The following ATP1B3 variants were observed in gnomAD, a reference collection of about 807,000 sequenced individuals.
ATP1B3 encodes the protein ATPase Na+/K+ transporting subunit beta 3.
In ATP1B3, 10 loss-of-function variants were observed where a neutral mutation model predicts 30.2. The observed-to-expected ratio is 0.33, with a 90% CI of 0.20 to 0.56. The LOEUF (loss-of-function observed/expected upper bound fraction) is 0.56. Among genes scored for constraint, ATP1B3 ranks in the 20% least tolerant of loss-of-function variants. The probability of loss-of-function intolerance (pLI) is 0.90; values close to 1 mark genes in which losing one functional copy is unlikely to be tolerated. For synonymous variants in ATP1B3, 113 were observed against 117.0 expected, an observed-to-expected ratio of 0.97 and a Z score of 0.22; for missense variants, 238 against 336.7, an observed-to-expected ratio of 0.71 and a Z score of 2.29.
chr3:141,902,521 T>C (rs1371511424), intron 1 of ATP1B3, among the ~76,000 whole-genome samples: 1 of 152,250 alleles, frequency 6.6e-6, no homozygotes. Flanking sequence ...TACCAATGTA[T>C]TCTAATATAC....
At chr3:141,905,633 T>C (rs1934251442) in intron 2 of ATP1B3, among the ~76,000 whole-genome samples, 1 of 152,244 alleles carries the variant, frequency 6.6e-6, no homozygotes, top group African/African-American at 2.4e-5. Context: ...ACTCTTAGTG[T>C]ATTGGAGCAA....
chr3:141,917,802 C>G (rs1934494249), intron 5 of ATP1B3, among the ~76,000 whole-genome samples: 1 of 150,372 alleles, frequency 6.7e-6, no homozygotes, highest in South Asian at 2.1e-4. Flanking sequence ...GAGTCTCACT[C>G]TGTTGCCCAG....
rs1430939780 is a variant in ATP1B3 at position 141,876,867 on chromosome 3, C to T, written c.66C>T (p.Asn22=). 6.9e-6 allele frequency: 11 copies of T among 1,583,098 alleles called. No individual in the cohort carries two copies. The highest frequency in any genetic ancestry group is 8.6e-6 in the Non-Finnish European group (10 of 1,164,830). ...CCGAGTGGAAGCTCTTCATCTACAA[C>T]CCGACCACCGGAGAATTCCTGGGGC... ...SLAEWKLFIY[N]PTTGEFLGRT... is the part of the protein sequence containing the mutation. Residue 22 remains asparagine, a synonymous_variant, in exon 1 of 7, where the codon AAC becomes AAT. Transcript: ENST00000286371.
At chr3:141,884,030 T>C (rs1476983018) in intron 1 of ATP1B3, among the ~76,000 whole-genome samples, 1 of 152,256 alleles carries the variant, frequency 6.6e-6, no homozygotes, top group African/African-American at 2.4e-5. Context: ...CAGCTTCTTA[T>C]ACTGCTTTTA....
chr3:141,891,831 T>C (rs1933959245), intron 1 of ATP1B3, among the ~76,000 whole-genome samples: 1 of 152,102 alleles, frequency 6.6e-6, no homozygotes, highest in African/African-American at 2.4e-5. Context: ...GATACAACTT[T>C]CTAAATTTGT....
chr3:141,877,640 C>T (rs1933630760), intron 1 of ATP1B3: 1 of 151,260 alleles, frequency 6.6e-6, no homozygotes, highest in Non-Finnish European at 1.5e-5. Flanking sequence ...AAAGTAAATC[C>T]TGTCTGAACA....
In ATP1B3 at chr3:141,924,724, A is replaced by G. The variant is rs532177873; in HGVS notation, c.670-807A>G. Among the ~76,000 whole-genome samples, 12 of 152,164 alleles carry G rather than the reference A, an allele frequency of 7.9e-5. No homozygotes were observed. The East Asian group carries it at 1.7e-3, about 22-fold the overall frequency. ...TATTCCCAAGCACTTTGGGAGGCCA[A>G]GGTGGACAGATCACGAGGTCAGGAG... On this transcript the variant is annotated intron_variant, in intron 6 of 6. Transcript: ENST00000286371.
intron 1 of ATP1B3, chr3:141,902,910 ATT>A (rs1324037977): frequency 6.6e-6 from 1 of 152,086 alleles, no homozygotes; most frequent in South Asian, 2.1e-4. Context: ...TAAAATATAT[ATT>A]TTTTTAATTT....
chr3:141,894,347 G>C (rs554647273), intron 1 of ATP1B3, among the ~76,000 whole-genome samples: 3 of 151,642 alleles, frequency 2.0e-5, no homozygotes, highest in East Asian at 3.9e-4. Context: ...TAATTGAGAT[G>C]GGGTCTTGCT....
intron 1 of ATP1B3, among the ~76,000 whole-genome samples, chr3:141,900,030 C>CA (rs1333753063): frequency 2.7e-5 from 4 of 150,222 alleles, no homozygotes; most frequent in South Asian, 4.2e-4. Flanking sequence ...GACCCTGTCT[C>CA]AAAAAAAAAA....
In ATP1B3 at chr3:141,903,731, A is replaced by C; in HGVS notation, c.221A>C (p.Asp74Ala). ...TLNDEVPKYR[D>A]QIPSPGLMVF... is the part of the protein sequence containing the mutation. ...AACGATGAGGTTCCAAAATACCGTG[A>C]CCAGATTCCTAGCCCAGGTAATTAT... The change falls in exon 2 of 7, where the codon GAC (aspartate) becomes GCC (alanine). Residue 74 changes from aspartate to alanine, a missense_variant. Coordinates refer to ENST00000286371, the MANE Select transcript of ATP1B3 (RefSeq NM_001679.4). 1 of 1,613,718 alleles carries C rather than the reference A, an allele frequency of 6.2e-7. No individual in the cohort carries two copies. The highest frequency in any genetic ancestry group is 1.1e-5 in the South Asian group (1 of 91,060).
chr3:141,889,748 A>ATATATATAT lies in ATP1B3; in HGVS notation c.109+12838_109+12839insTATATATAT, dbSNP rs1211554880. Among the ~76,000 whole-genome samples the ATATATATAT allele has an allele frequency of 5.4e-4, 44 of 81,426 alleles. 2 individuals carry two copies. Among genetic ancestry groups the ATATATATAT allele is most frequent in the African/African-American group, 1.2e-3 (24 of 19,776 alleles). 53.4% of individuals were successfully genotyped at this position (81,426 alleles called of 152,430 possible). ...CGTCTCAAAAAAAAAAAAAAAAAAA[A>ATATATATAT]AAATATATACACACACACACACACA... On this transcript the variant is annotated intron_variant, in intron 1 of 6. Transcript: ENST00000286371.
At chr3:141,907,572 C>T (rs1327075562) in intron 3 of ATP1B3, among the ~76,000 whole-genome samples, 1 of 150,868 alleles carries the variant, frequency 6.6e-6, no homozygotes, top group East Asian at 1.9e-4. Flanking sequence ...GCCTGGGAGG[C>T]AAAGGTTGCA....
intron 5 of ATP1B3, among the ~76,000 whole-genome samples, chr3:141,919,829 C>T (rs1934535259): frequency 6.6e-6 from 1 of 152,030 alleles, no homozygotes; most frequent in Non-Finnish European, 1.5e-5. Context: ...ATCCCAGCTA[C>T]TCGGGAGGCT....
intron 3 of ATP1B3, among the ~76,000 whole-genome samples, chr3:141,913,108 T>C (rs1191307898): frequency 1.3e-5 from 2 of 152,098 alleles, no homozygotes; most frequent in African/African-American, 2.4e-5. Flanking sequence ...TTTACAAGAC[T>C]CTATATGGTC....
chr3:141,916,637 A>G, intron 5 of ATP1B3: 3 of 1,077,406 alleles, frequency 2.8e-6, no homozygotes, highest in Middle Eastern at 5.0e-4. Flanking sequence ...TAACATTTCA[A>G]CTCTGATTGT....
At chr3:141,916,461 C>T in intron 5 of ATP1B3, 1 of 826,226 alleles carries the variant, frequency 1.2e-6, no homozygotes, top group Admixed American at 2.3e-5. Context: ...TATTTATCTC[C>T]CCTATCCCTA....
At chr3:141,884,013 C>T (rs1266937557) in intron 1 of ATP1B3, among the ~76,000 whole-genome samples, 1 of 152,160 alleles carries the variant, frequency 6.6e-6, no homozygotes, top group Non-Finnish European at 1.5e-5. Context: ...TGCTTTATTG[C>T]TCTTTTCAGC....
chr3:141,891,843 T>G (rs184634587), intron 1 of ATP1B3, among the ~76,000 whole-genome samples: 52 of 152,238 alleles, frequency 3.4e-4, no homozygotes, highest in African/African-American at 1.2e-3. Flanking sequence ...TAAATTTGTA[T>G]TGTTAATTTC....
Sources: gnomAD v4.1 joint callset for allele counts (sites outside exome capture counted in the v4.1 genomes callset) on GRCh38, gnomAD v4.1.1 for gene constraint, MANE v1.5 for transcripts, NCBI Gene and HGNC (gene_info 2026-07-23, HGNC 2026-07-21) for gene names.